Variants in SEPSECS observed in about 807,000 individuals in gnomAD.
The protein encoded by SEPSECS is Sep (O-phosphoserine) tRNA:Sec (selenocysteine) tRNA synthase.
SEPSECS carries 42 observed loss-of-function variants against 52.1 expected under a neutral mutation model. That is an observed-to-expected ratio of 0.81 (90% CI 0.63 to 1.04). The LOEUF is 1.04. Ranked by LOEUF, SEPSECS falls within the 50% of genes least tolerant of loss-of-function variation. SEPSECS has a pLI of 0.00. For synonymous variants in SEPSECS, 216 were observed against 211.4 expected, an observed-to-expected ratio of 1.02 and a Z score of -0.19; for missense variants, 590 against 610.6, an observed-to-expected ratio of 0.97 and a Z score of 0.36.
chr4:25,141,843 T>G (rs756445769), intron 8 of SEPSECS, among the ~76,000 whole-genome samples: 2 of 152,184 alleles, frequency 1.3e-5, no homozygotes, highest in South Asian at 4.1e-4. Flanking sequence ...CTCTTTTTGC[T>G]CCAGCCACAC....
At position 25,139,691 on chromosome 4, in the gene SEPSECS, C is replaced by T. The variant is rs552560154; in HGVS notation, c.1026+5083G>A. ...AACCTGGCACTGCTCTACAATGTGA[C>T]AAATTAGAGTAGACCAAGGTGGGGG... is the stretch of plus-strand genomic sequence containing the variant. On this transcript the variant is annotated intron_variant, in intron 8 of 10. Transcript: ENST00000382103. 2.6e-5 allele frequency among the ~76,000 whole-genome samples: 4 copies of T among 152,012 alleles called. No homozygotes were observed. In the South Asian group the frequency reaches 8.3e-4, roughly 32 times the overall value.
rs1321807570 is a variant in SEPSECS at position 25,124,124 on chromosome 4, G to A, written c.1313C>T (p.Ser438Leu). ...NYPCAYLNAA[S>L]AIGMKMQDVD... ...ATCCTGCATCTTCATTCCGATGGCT[G>A]ATGCAGCATTGAGGTAAGCACAAGG... Residue 438 changes from serine to leucine, a missense_variant, in exon 11 of 11, where the codon TCA becomes TTA. Transcript: ENST00000382103. The A allele has an allele frequency of 4.3e-6, 7 of 1,613,700 alleles. No individual in the cohort carries two copies. The highest frequency in any genetic ancestry group is 5.9e-6 in the Non-Finnish European group (7 of 1,179,762).
chr4:25,144,911 A>G (rs553585625), intron 7 of SEPSECS, 46 bp from the exon 8 acceptor site: 1 of 1,592,932 alleles, frequency 6.3e-7, no homozygotes, highest in East Asian at 2.2e-5. Flanking sequence ...GTGGGGGGGT[A>G]GCTTTGGAAA....
chr4:25,121,026 T>C lies in SEPSECS; in HGVS notation c.*2905A>G, dbSNP rs1388139562. 3.3e-5 allele frequency: 5 copies of C among 152,174 alleles called. No individual in the cohort carries two copies. The highest frequency in any genetic ancestry group is 9.7e-5 in the African/African-American group (4 of 41,450). 9.4% of individuals were successfully genotyped at this position (152,174 alleles called of 1,614,324 possible). A position where few individuals can be genotyped will look rare whatever the true frequency, so the allele number is the denominator to read the frequency against. Reference sequence around the variant, plus strand: ...TGCTGATCATAATATTAGAAAAATTTAATTTATATTTAAATTTACCATTCT... The same window carrying C: ...TGCTGATCATAATATTAGAAAAATTCAATTTATATTTAAATTTACCATTCT... On this transcript the variant is annotated 3_prime_UTR_variant, in exon 11 of 11. Transcript: ENST00000382103.
At chr4:25,148,269 C>T (rs533980605) in intron 6 of SEPSECS, among the ~76,000 whole-genome samples, 3 of 142,586 alleles carry the variant, frequency 2.1e-5, no homozygotes, top group East Asian at 4.4e-4. Flanking sequence ...AGGAGAATGG[C>T]GTGAACCTGG....
chr4:25,136,563 G>A (rs1221170606), intron 8 of SEPSECS, among the ~76,000 whole-genome samples: 1 of 152,080 alleles, frequency 6.6e-6, no homozygotes, highest in Admixed American at 6.5e-5. Context: ...GGAAATTAGA[G>A]AGGACACAAA....
chr4:25,150,283 A>G (rs1712220826), intron 6 of SEPSECS, among the ~76,000 whole-genome samples: 2 of 152,238 alleles, frequency 1.3e-5, no homozygotes, highest in Admixed American at 1.3e-4. Context: ...GTATGTGTAT[A>G]TTAACATCAT....
At chr4:25,157,246 G>A (rs1271237930) in intron 2 of SEPSECS, among the ~76,000 whole-genome samples, 2 of 152,166 alleles carry the variant, frequency 1.3e-5, no homozygotes, top group Admixed American at 1.3e-4. Flanking sequence ...AAGAGATGGA[G>A]TCTACTTCCT....
intron 1 of SEPSECS, chr4:25,160,024 A>T: frequency 1.0e-6 from 1 of 985,358 alleles, no homozygotes; most frequent in Non-Finnish European, 1.2e-6. Flanking sequence ...CGGGACTCAA[A>T]ACCCCGACCC....
At chr4:25,136,206 C>T (rs914592470) in intron 8 of SEPSECS, among the ~76,000 whole-genome samples, 4 of 152,022 alleles carry the variant, frequency 2.6e-5, no homozygotes, top group Admixed American at 2.6e-4. Context: ...CTGGCCAGGC[C>T]AATCAGGCAA....
chr4:25,126,364 A>G (rs918417199), intron 9 of SEPSECS, among the ~76,000 whole-genome samples: 1 of 152,162 alleles, frequency 6.6e-6, no homozygotes, highest in African/African-American at 2.4e-5. Flanking sequence ...CAAGCTACAC[A>G]ATATCACCTT....
Position 25,144,232 on chromosome 4 carries a change from C to T in SEPSECS, c.1026+542G>A, listed in dbSNP as rs184017096. Among the ~76,000 whole-genome samples the T allele has an allele frequency of 8.9e-5, 13 of 146,528 alleles. No homozygotes were observed. In the South Asian group the frequency reaches 2.6e-3, roughly 30 times the overall value. On this transcript the variant is annotated intron_variant, in intron 8 of 10. Coordinates refer to ENST00000382103, the MANE Select transcript of SEPSECS (RefSeq NM_016955.4). The stretch of plus-strand genomic sequence containing the variant: ...GCGGGCGCTTGTAATCCCAGCTACT[C>T]GGGAGGCTGAGGCAGAAGAATGGTT...
At chr4:25,157,077 A>G (rs1238869747) in intron 2 of SEPSECS, 103 bp from the exon 3 acceptor site, 7 of 762,924 alleles carry the variant, frequency 9.2e-6, no homozygotes, top group Non-Finnish European at 1.7e-5. Context: ...ACCAGGAGCA[A>G]TATTTGGCTG....
At chr4:25,132,592 A>G (rs1021900826) in intron 8 of SEPSECS, among the ~76,000 whole-genome samples, 1 of 152,256 alleles carries the variant, frequency 6.6e-6, no homozygotes, top group Non-Finnish European at 1.5e-5. Flanking sequence ...GAAGTTGTTA[A>G]AAAAGCAAAC....
At chr4:25,160,175 G>T in intron 1 of SEPSECS, 81 bp downstream of exon 1, 1 of 1,535,364 alleles carries the variant, frequency 6.5e-7, no homozygotes, top group African/African-American at 1.4e-5. Context: ...AGCTGCCGGT[G>T]AGGCAGCACC....
At chr4:25,127,395 TA>T (rs746822373) in intron 8 of SEPSECS, 38 bp from the exon 9 acceptor site, 1 of 1,434,030 alleles carries the variant, frequency 7.0e-7, no homozygotes, top group Admixed American at 1.7e-5. Context: ...ACAAATCAAA[TA>T]TCTACTGCCA....
chr4:25,154,059 T>A (rs1288082731), intron 5 of SEPSECS, among the ~76,000 whole-genome samples: 1 of 152,116 alleles, frequency 6.6e-6, no homozygotes. Flanking sequence ...ACAATGCTTA[T>A]TTTTCAATAC....
chr4:25,125,586 C>T (rs1359961556), intron 10 of SEPSECS, 108 bp downstream of exon 10: 2 of 751,342 alleles, frequency 2.7e-6, no homozygotes, highest in South Asian at 1.5e-5. Context: ...GATGAATTCG[C>T]AGGTATAGTT....
intron 2 of SEPSECS, among the ~76,000 whole-genome samples, chr4:25,157,473 C>T (rs566229321): frequency 6.6e-6 from 1 of 152,084 alleles, no homozygotes; most frequent in African/African-American, 2.4e-5. Context: ...TGTTTTAAGC[C>T]ACTTAATTTT....
Sources: gnomAD v4.1 joint callset for allele counts (sites outside exome capture counted in the v4.1 genomes callset) on GRCh38, gnomAD v4.1.1 for gene constraint, MANE v1.5 for transcripts, NCBI Gene and HGNC (gene_info 2026-07-23, HGNC 2026-07-21) for gene names.